The following SOX5 variants were observed in gnomAD, a reference collection of about 807,000 sequenced individuals.
SOX5 encodes transcription factor SOX-5.
Under a neutral mutation model 92.0 loss-of-function variants are expected in SOX5, and 9 were observed. The ratio of observed to expected loss-of-function variants is 0.10; its 90% CI spans 0.06 to 0.17. The LOEUF (loss-of-function observed/expected upper bound fraction) is 0.17. SOX5 is among the 10% of genes least tolerant of loss of function. SOX5 has a pLI of 1.00. For missense variants in SOX5, 642 were observed against 944.5 expected, an observed-to-expected ratio of 0.68 and a Z score of 4.20; for synonymous variants, 344 against 336.3, an observed-to-expected ratio of 1.02 and a Z score of -0.25.
intron 9 of SOX5, among the ~76,000 whole-genome samples, chr12:23,591,913 T>A (rs778793650): frequency 3.9e-5 from 6 of 152,212 alleles, no homozygotes; most frequent in African/African-American, 4.8e-5. Context: ...TATTTCATCC[T>A]TTCTATTTCT....
At chr12:24,417,100 T>G (rs779605879) in intron 1 of SOX5, among the ~76,000 whole-genome samples, 5 of 152,198 alleles carry the variant, frequency 3.3e-5, no homozygotes, top group Non-Finnish European at 7.3e-5. Flanking sequence ...ATTGGGGTTA[T>G]TGAGGACCAT....
chr12:24,181,602 G>T (rs1955505506), intron 4 of SOX5, among the ~76,000 whole-genome samples: 1 of 152,106 alleles, frequency 6.6e-6, no homozygotes, highest in Admixed American at 6.6e-5. Flanking sequence ...ACCCTGCTTT[G>T]TTGTGACAAT....
intron 4 of SOX5, among the ~76,000 whole-genome samples, chr12:24,037,976 T>C (rs1956204307): frequency 6.6e-6 from 1 of 152,204 alleles, no homozygotes; most frequent in African/African-American, 2.4e-5. Flanking sequence ...GAATCATGCA[T>C]GTAAATATTT....
intron 4 of SOX5, among the ~76,000 whole-genome samples, chr12:24,050,830 C>T (rs1000886099): frequency 2.0e-5 from 3 of 151,950 alleles, no homozygotes; most frequent in Non-Finnish European, 4.4e-5. Context: ...ATAAATGAAG[C>T]CATTCTTCTT....
intron 3 of SOX5, among the ~76,000 whole-genome samples, chr12:23,772,555 T>G (rs1338088714): frequency 6.6e-6 from 1 of 152,218 alleles, no homozygotes; most frequent in African/African-American, 2.4e-5. Context: ...ATATAGCAGC[T>G]ACTAATTGAG....
chr12:24,076,637 T>C (rs1035871406), intron 4 of SOX5, among the ~76,000 whole-genome samples: 1 of 151,912 alleles, frequency 6.6e-6, no homozygotes, highest in African/African-American at 2.4e-5. Flanking sequence ...TCATGTTGAT[T>C]GCATTTGAAT....
intron 2 of SOX5, among the ~76,000 whole-genome samples, chr12:23,880,367 T>G (rs1423562447): frequency 6.6e-6 from 1 of 152,186 alleles, no homozygotes; most frequent in Non-Finnish European, 1.5e-5. Flanking sequence ...ATTCACCCCT[T>G]CCTTTGACTC....
chr12:23,601,189 C>T (rs1344317190), intron 9 of SOX5, among the ~76,000 whole-genome samples: 2 of 152,150 alleles, frequency 1.3e-5, no homozygotes, highest in East Asian at 1.9e-4. Flanking sequence ...AGGACTCATG[C>T]TGTACAATTT....
chr12:24,267,155 G>C (rs1041595568), intron 3 of SOX5, among the ~76,000 whole-genome samples: 1 of 152,160 alleles, frequency 6.6e-6, no homozygotes, highest in Non-Finnish European at 1.5e-5. Flanking sequence ...GAGCCCAGGA[G>C]ATCAAGGTTG....
intron 4 of SOX5, among the ~76,000 whole-genome samples, chr12:24,098,743 C>G (rs1432676014): frequency 6.6e-6 from 1 of 152,128 alleles, no homozygotes; most frequent in Non-Finnish European, 1.5e-5. Context: ...ATCCCTCTCC[C>G]AGAAAAGGCA....
At chr12:23,769,098 C>G (rs976366877) in intron 3 of SOX5, among the ~76,000 whole-genome samples, 16 of 152,156 alleles carry the variant, frequency 1.1e-4, no homozygotes, top group Middle Eastern at 3.4e-3. Flanking sequence ...TTATTTTTCT[C>G]TCTTGTTTTT....
At chr12:23,776,242 G>T (rs1037979555) in intron 3 of SOX5, among the ~76,000 whole-genome samples, 8 of 152,028 alleles carry the variant, frequency 5.3e-5, no homozygotes, top group Non-Finnish European at 1.0e-4. Flanking sequence ...TAACTTAAAT[G>T]AACTTATATA....
chr12:24,490,187 T>A (rs769683782), intron 1 of SOX5, among the ~76,000 whole-genome samples: 2 of 152,240 alleles, frequency 1.3e-5, no homozygotes, highest in Non-Finnish European at 1.5e-5. Flanking sequence ...AACTCAGCTT[T>A]CTTTTGGTTA....
At chr12:23,949,433 G>T in intron 1 of SOX5, 131 bp downstream of exon 1, 3 of 1,088,586 alleles carry the variant, frequency 2.8e-6, no homozygotes, top group Non-Finnish European at 4.2e-6. Flanking sequence ...CAGCTAACAA[G>T]ATTGCAGAAG....
intron 4 of SOX5, among the ~76,000 whole-genome samples, chr12:24,177,522 C>T (rs555250868): frequency 1.3e-5 from 2 of 152,244 alleles, no homozygotes; most frequent in South Asian, 2.1e-4. Flanking sequence ...TCTCCATAAT[C>T]GTCTCTCTAC....
intron 9 of SOX5, among the ~76,000 whole-genome samples, chr12:23,589,817 T>C (rs1202860356): frequency 6.6e-6 from 1 of 151,956 alleles, no homozygotes; most frequent in Non-Finnish European, 1.5e-5. Flanking sequence ...CCATTGACCT[T>C]TGATCATGTA....
chr12:24,040,883 C>CAA (rs910559914), intron 4 of SOX5, among the ~76,000 whole-genome samples: 1 of 147,718 alleles, frequency 6.8e-6, no homozygotes, highest in African/African-American at 2.5e-5. Context: ...AAGGAAAAAA[C>CAA]AAAAAAAAAA....
At chr12:24,317,656 G>T (rs960223547) in intron 2 of SOX5, among the ~76,000 whole-genome samples, 1 of 152,144 alleles carries the variant, frequency 6.6e-6, no homozygotes, top group African/African-American at 2.4e-5. Context: ...AGAGCTATCT[G>T]TGATATTCTC....
At chr12:24,136,316 C>T (rs1398011899) in intron 4 of SOX5, among the ~76,000 whole-genome samples, 1 of 152,196 alleles carries the variant, frequency 6.6e-6, no homozygotes, top group African/African-American at 2.4e-5. Context: ...CCACCACCAT[C>T]CAATCTACTG....
Sources: allele counts gnomAD v4.1 joint callset (sites outside exome capture counted in the v4.1 genomes callset), GRCh38; gene constraint gnomAD v4.1.1; transcripts MANE v1.5; gene names NCBI Gene and HGNC (gene_info 2026-07-23, HGNC 2026-07-21).